Variants in NDST3 observed in about 807,000 individuals in gnomAD.
The protein encoded by NDST3 is bifunctional heparan sulfate N-deacetylase/N-sulfotransferase 3.
A neutral mutation model predicts 96.1 loss-of-function variants in NDST3; 58 were observed. The observed-to-expected ratio is 0.60, with a 90% confidence interval of 0.49 to 0.75. The LOEUF is 0.75. Among genes scored for constraint, NDST3 ranks in the 30% least tolerant of loss-of-function variants. The probability of loss-of-function intolerance (pLI) is 0.00; values close to 1 mark genes in which losing one functional copy is unlikely to be tolerated. For synonymous variants in NDST3, 333 were observed against 359.7 expected (o/e 0.93, Z 0.84); for missense variants, 788 against 1,034.2 (o/e 0.76, Z 3.27).
At chr4:118,159,181 C>T (rs946152700) in intron 6 of NDST3, among the ~76,000 whole-genome samples, 10 of 152,182 alleles carry the variant, frequency 6.6e-5, no homozygotes, top group Non-Finnish European at 1.0e-4. Flanking sequence ...GCCCGAGAAA[C>T]TAGTTTTTAT....
intron 1 of NDST3, among the ~76,000 whole-genome samples, chr4:118,041,732 C>T: frequency 1.3e-5 from 2 of 152,190 alleles, no homozygotes; most frequent in East Asian, 3.9e-4. Context: ...TTTGTGCAAG[C>T]ATTTCACGAA....
chr4:118,230,215 ATT>A (rs1187938387), intron 8 of NDST3, among the ~76,000 whole-genome samples: 2 of 152,174 alleles, frequency 1.3e-5, no homozygotes, highest in Admixed American at 6.5e-5. Context: ...CTTCATAGTT[ATT>A]CTAAGTCAGT....
rs544320662 is a variant in NDST3 at position 118,067,352 on chromosome 4, T to A, written c.981+12461T>A. Reference sequence around the variant, plus strand: ...TAATCTGCTCTAGAAATGCAATAAGTATTTAAAGGAAGTAAAGGGAGAAAA... The same window carrying A: ...TAATCTGCTCTAGAAATGCAATAAGAATTTAAAGGAAGTAAAGGGAGAAAA... On this transcript the variant is annotated intron_variant, in intron 2 of 13. Transcript: ENST00000296499. Among the ~76,000 whole-genome samples, 59 of 152,156 alleles carry A rather than the reference T, an allele frequency of 3.9e-4. No homozygotes were observed. In the Middle Eastern group the frequency reaches 0.01, roughly 26 times the overall value.
At chr4:118,151,863 T>C (rs1232215663) in intron 6 of NDST3, among the ~76,000 whole-genome samples, 1 of 152,176 alleles carries the variant, frequency 6.6e-6, no homozygotes, top group Non-Finnish European at 1.5e-5. Context: ...AAACTTTTTC[T>C]ACTCTGATTT....
chr4:118,124,958 C>T (rs1362210842), intron 4 of NDST3, among the ~76,000 whole-genome samples: 1 of 152,008 alleles, frequency 6.6e-6, no homozygotes, highest in East Asian at 1.9e-4. Context: ...AATATCACTA[C>T]CCAGAGAGAC....
At position 118,062,809 on chromosome 4, in the gene NDST3, G is replaced by T. The variant is rs921826792; in HGVS notation, c.981+7918G>T. Reference sequence around the variant, plus strand: ...ATGCAATGACGTTCTAAAAGAATGAGTTATAAATTATTTAAAGAAAGCAAA... The same window carrying T: ...ATGCAATGACGTTCTAAAAGAATGATTTATAAATTATTTAAAGAAAGCAAA... On this transcript the variant is annotated intron_variant, in intron 2 of 13. Coordinates refer to ENST00000296499, the MANE Select transcript of NDST3 (RefSeq NM_004784.3). Among the ~76,000 whole-genome samples the T allele has an allele frequency of 2.6e-5, 4 of 152,106 alleles. No individual in the cohort carries two copies. The South Asian group carries it at 8.3e-4, about 32-fold the overall frequency.
rs1050999492 is a variant in NDST3, at chr4:118,053,760, T to C, written c.-151T>C. ...ATATTCTTTTCTATTTTTCAGACTG[T>C]ATTTTCTGTGAGTCCTGATCAAGTG... On this transcript the variant is annotated 5_prime_UTR_variant, in exon 2 of 14. Transcript: ENST00000296499. 6 of 771,202 alleles carry C rather than the reference T, an allele frequency of 7.8e-6. No individual in the cohort carries two copies. The African/African-American group carries it at 8.8e-5, about 11-fold the overall frequency. 47.8% of individuals were successfully genotyped at this position (771,202 alleles called of 1,614,324 possible). A position where few individuals can be genotyped will look rare whatever the true frequency, so the allele number is the denominator to read the frequency against.
intron 6 of NDST3, among the ~76,000 whole-genome samples, chr4:118,152,691 TCTAA>T (rs1349180388): frequency 6.6e-6 from 1 of 152,220 alleles, no homozygotes; most frequent in Non-Finnish European, 1.5e-5. Flanking sequence ...TTTTCACATG[TCTAA>T]CTTTCTCTTT....
intron 4 of NDST3, among the ~76,000 whole-genome samples, chr4:118,123,846 T>G (rs1343233545): frequency 2.6e-5 from 4 of 152,058 alleles, no homozygotes; most frequent in African/African-American, 9.7e-5. Flanking sequence ...AGAAAATCAC[T>G]CTCCCCCAAA....
chr4:118,069,167 C>G (rs753595793), intron 2 of NDST3, among the ~76,000 whole-genome samples: 1 of 151,878 alleles, frequency 6.6e-6, no homozygotes, highest in Non-Finnish European at 1.5e-5. Context: ...AAGATTCCAG[C>G]AGAGAAGGTT....
At chr4:118,107,915 A>G (rs1324781437) in intron 3 of NDST3, among the ~76,000 whole-genome samples, 1 of 152,170 alleles carries the variant, frequency 6.6e-6, no homozygotes, top group African/African-American at 2.4e-5. Context: ...TAATAAACAT[A>G]TACCTGAGAC....
At chr4:118,046,386 A>G (rs1724762564) in intron 1 of NDST3, among the ~76,000 whole-genome samples, 1 of 152,228 alleles carries the variant, frequency 6.6e-6, no homozygotes, top group Admixed American at 6.5e-5. Flanking sequence ...ATAGGTGTCC[A>G]TAACCCAGGT....
intron 5 of NDST3, among the ~76,000 whole-genome samples, chr4:118,139,197 C>T (rs1733367288): frequency 6.6e-6 from 1 of 152,198 alleles, no homozygotes; most frequent in South Asian, 2.1e-4. Flanking sequence ...CATTTTATCC[C>T]AATCTGCCCT....
chr4:118,096,984 T>C (rs182995756), intron 2 of NDST3, among the ~76,000 whole-genome samples: 1 of 152,038 alleles, frequency 6.6e-6, no homozygotes, highest in Admixed American at 6.6e-5. Flanking sequence ...AGGAGCTCCC[T>C]CTTACTTGCA....
At chr4:118,162,509 T>C (rs1222388488) in intron 6 of NDST3, among the ~76,000 whole-genome samples, 179 of 151,960 alleles carry the variant, frequency 1.2e-3, no homozygotes, top group African/African-American at 3.9e-3. Flanking sequence ...AAAGGATTCC[T>C]TATTTAATAA....
intron 1 of NDST3, 49 bp from the exon 2 acceptor site, chr4:118,053,707 T>A: frequency 1.9e-6 from 1 of 521,332 alleles, no homozygotes; most frequent in Non-Finnish European, 3.2e-6. Flanking sequence ...AAAACTTGCT[T>A]ATTTTAATGC....
intron 3 of NDST3, among the ~76,000 whole-genome samples, chr4:118,109,325 G>A (rs572069267): frequency 4.6e-4 from 70 of 152,314 alleles, no homozygotes; most frequent in African/African-American, 1.7e-3. Flanking sequence ...GAGGGAGAGA[G>A]TAGGAAGAGA....
chr4:118,220,113 C>T (rs1451068798), intron 6 of NDST3, among the ~76,000 whole-genome samples: 9 of 151,994 alleles, frequency 5.9e-5, no homozygotes, highest in African/African-American at 2.2e-4. Context: ...TGGGTATATA[C>T]CCACAGGAGT....
chr4:118,110,737 G>T (rs1282266462), intron 3 of NDST3, among the ~76,000 whole-genome samples: 1 of 152,110 alleles, frequency 6.6e-6, no homozygotes, highest in Non-Finnish European at 1.5e-5. Flanking sequence ...TAACACTGTA[G>T]AAAAGAGTTT....
Sources: gnomAD v4.1 joint callset for allele counts (sites outside exome capture counted in the v4.1 genomes callset) on GRCh38, gnomAD v4.1.1 for gene constraint, MANE v1.5 for transcripts, NCBI Gene and HGNC (gene_info 2026-07-23, HGNC 2026-07-21) for gene names.